Variants in STAG1 observed in about 807,000 individuals in gnomAD.
STAG1 encodes STAG1 cohesin complex component.
STAG1 carries 26 observed loss-of-function variants against 170.9 expected under a neutral mutation model. The observed-to-expected ratio is 0.15, with a 90% confidence interval of 0.11 to 0.21. The LOEUF (loss-of-function observed/expected upper bound fraction) is 0.21. Ranked by LOEUF, STAG1 falls within the 10% of genes least tolerant of loss-of-function variation. The probability of loss-of-function intolerance (pLI) is 1.00; values close to 1 mark genes in which losing one functional copy is unlikely to be tolerated. For missense variants in STAG1, 964 were observed against 1,509.5 expected (o/e 0.64, Z 5.99); for synonymous variants, 514 against 497.7 (o/e 1.03, Z -0.44).
chr3:136,405,912 T>G (rs1354561514), intron 21 of STAG1, among the ~76,000 whole-genome samples: 1 of 140,600 alleles, frequency 7.1e-6, no homozygotes, highest in Non-Finnish European at 1.5e-5. Context: ...CGATACACAA[T>G]AACTGAAGCT....
At chr3:136,357,016 C>A (rs1182734349) in intron 28 of STAG1, among the ~76,000 whole-genome samples, 1 of 151,770 alleles carries the variant, frequency 6.6e-6, no homozygotes, top group Non-Finnish European at 1.5e-5. Context: ...GGTGCGATCT[C>A]GGCTCACTGC....
chr3:136,455,999 G>T (rs1218877473), intron 13 of STAG1, among the ~76,000 whole-genome samples: 1 of 152,288 alleles, frequency 6.6e-6, no homozygotes, highest in East Asian at 1.9e-4. Flanking sequence ...AAAAAAACAA[G>T]AGGCCAGGGT....
intron 9 of STAG1, among the ~76,000 whole-genome samples, chr3:136,496,903 A>G (rs773512574): frequency 1.3e-5 from 2 of 152,130 alleles, no homozygotes; most frequent in African/African-American, 2.4e-5. Flanking sequence ...AAGCAGGGGG[A>G]AAAGGAGTGG....
chr3:136,426,754 C>G lies in STAG1; in HGVS notation c.1651-3710G>C, dbSNP rs997566459. On this transcript the variant is annotated intron_variant, in intron 16 of 33. Coordinates refer to ENST00000383202, the MANE Select transcript of STAG1 (RefSeq NM_005862.3). ...AGGAGTTCAAGAGCAGTTTGGCCAA[C>G]ATAATGAAACCCCATCTCTACTAAA... Among the ~76,000 whole-genome samples the G allele has an allele frequency of 1.4e-4, 21 of 152,020 alleles. No homozygotes were observed. The East Asian group carries it at 4.1e-3, about 29-fold the overall frequency.
At chr3:136,591,531 AT>A (rs1447052146) in intron 4 of STAG1, 3 of 437,902 alleles carry the variant, frequency 6.9e-6, no homozygotes, top group Non-Finnish European at 1.4e-5. Flanking sequence ...ACACTGACCT[AT>A]TTGAAAGGTC....
At chr3:136,376,733 G>A (rs555646083) in intron 23 of STAG1, among the ~76,000 whole-genome samples, 1 of 152,096 alleles carries the variant, frequency 6.6e-6, no homozygotes, top group South Asian at 2.1e-4. Context: ...AAGGTAAGAT[G>A]ATAAAAGGGT....
intron 1 of STAG1, among the ~76,000 whole-genome samples, chr3:136,699,649 T>C (rs1318520164): frequency 1.3e-5 from 2 of 152,014 alleles, no homozygotes; most frequent in African/African-American, 4.8e-5. Flanking sequence ...TAGAGGCCAT[T>C]GTTCTAAGTG....
At chr3:136,574,644 T>C (rs895919533) in intron 4 of STAG1, among the ~76,000 whole-genome samples, 1 of 152,144 alleles carries the variant, frequency 6.6e-6, no homozygotes, top group Non-Finnish European at 1.5e-5. Flanking sequence ...TATAACAACA[T>C]TAAATTTTAA....
intron 21 of STAG1, among the ~76,000 whole-genome samples, chr3:136,416,980 G>A (rs1056526082): frequency 1.3e-5 from 2 of 151,752 alleles, no homozygotes; most frequent in African/African-American, 4.8e-5. Flanking sequence ...CAAGTAGCTG[G>A]GGACTACAGG....
At chr3:136,612,421 C>T (rs1006310766) in intron 3 of STAG1, among the ~76,000 whole-genome samples, 3 of 151,334 alleles carry the variant, frequency 2.0e-5, no homozygotes, top group Non-Finnish European at 4.4e-5. Context: ...GCCTGGGAAA[C>T]AAAGCAAGAC....
intron 6 of STAG1, among the ~76,000 whole-genome samples, chr3:136,527,491 C>T (rs1935101936): frequency 6.6e-6 from 1 of 152,134 alleles, no homozygotes; most frequent in Non-Finnish European, 1.5e-5. Flanking sequence ...GTTAGCCATT[C>T]GTCCAGTCTT....
intron 1 of STAG1, among the ~76,000 whole-genome samples, chr3:136,699,220 T>C (rs1942978636): frequency 6.6e-6 from 1 of 152,076 alleles, no homozygotes; most frequent in Admixed American, 6.5e-5. Flanking sequence ...ACTATTGAAA[T>C]AAAAAAGAAA....
At chr3:136,684,958 G>A (rs1221598208) in intron 1 of STAG1, among the ~76,000 whole-genome samples, 2 of 152,082 alleles carry the variant, frequency 1.3e-5, no homozygotes, top group Non-Finnish European at 2.9e-5. Flanking sequence ...CCTGGGTTTG[G>A]AGATGGCTTT....
intron 11 of STAG1, 128 bp downstream of exon 11, chr3:136,473,411 A>G (rs2107814067): frequency 1.5e-6 from 1 of 656,978 alleles, no homozygotes; most frequent in East Asian, 3.2e-5. Flanking sequence ...TGGTGCCAAA[A>G]AGGTTGGGGA....
chr3:136,491,261 G>A (rs1396539094), intron 9 of STAG1, among the ~76,000 whole-genome samples: 2 of 152,056 alleles, frequency 1.3e-5, no homozygotes, highest in Non-Finnish European at 2.9e-5. Context: ...GGGACTACAG[G>A]TGCACACTAC....
At chr3:136,564,903 T>A (rs1019373499) in intron 5 of STAG1, among the ~76,000 whole-genome samples, 4 of 148,820 alleles carry the variant, frequency 2.7e-5, no homozygotes, top group Non-Finnish European at 5.9e-5. Context: ...GAAGGAAACA[T>A]AGAGGTAAAT....
chr3:136,574,256 C>T (rs989336747), intron 4 of STAG1, among the ~76,000 whole-genome samples: 2 of 151,556 alleles, frequency 1.3e-5, no homozygotes, highest in African/African-American at 4.8e-5. Flanking sequence ...AAAAAAAAAC[C>T]CGACCACATA....
chr3:136,423,012 A>C lies in STAG1; in HGVS notation c.1683T>G (p.Ile561Met), dbSNP rs1242055296. ...GTTCAGTCAATTTGTTTCTATCATC[A>C]ATTTGAGTTTTCCTTTCTTTGGCAG... ...VLTAKERKTQ[I>M]DDRNKLTEHF... is the part of the protein sequence containing the mutation. Residue 561 changes from isoleucine (I) to methionine (M), a missense_variant, in exon 17 of 34, where the codon ATT becomes ATG. Physicochemically the swap from Ile to Met is conservative, Grantham distance 10. Coordinates refer to ENST00000383202, the MANE Select transcript of STAG1 (RefSeq NM_005862.3). 1.2e-6 allele frequency: 2 copies of C among 1,608,286 alleles called. No homozygotes were observed. Among genetic ancestry groups the C allele is most frequent in the Non-Finnish European group, 1.7e-6 (2 of 1,177,386 alleles).
At chr3:136,456,780 T>G (rs1283889726) in intron 13 of STAG1, among the ~76,000 whole-genome samples, 1 of 152,174 alleles carries the variant, frequency 6.6e-6, no homozygotes, top group Non-Finnish European at 1.5e-5. Context: ...TCATATCATA[T>G]TCAATGGAGC....
Sources: allele counts gnomAD v4.1 joint callset (sites outside exome capture counted in the v4.1 genomes callset), GRCh38; gene constraint gnomAD v4.1.1; transcripts MANE v1.5; gene names NCBI Gene and HGNC (gene_info 2026-07-23, HGNC 2026-07-21).